NOP14: variants seen among roughly 807,000 people sequenced by gnomAD.
NOP14 encodes the protein nucleolar protein 14.
In NOP14, 57 loss-of-function variants were observed where a neutral mutation model predicts 101.6. That is an observed-to-expected ratio of 0.56 (90% confidence interval 0.45 to 0.70). The LOEUF is 0.70. NOP14 is among the 30% of genes least tolerant of loss of function. The pLI is 0.00. For synonymous variants in NOP14, 428 were observed against 424.0 expected (o/e 1.01, Z -0.12); for missense variants, 1,134 against 1,075.5 (o/e 1.05, Z -0.76).
At chr4:2,950,933 A>C (rs1364527788) in intron 7 of NOP14, 181 bp downstream of exon 7, 1 of 569,130 alleles carries the variant, frequency 1.8e-6, no homozygotes, top group African/African-American at 1.9e-5. Context: ...CTATTGTTAA[A>C]GTCTTCTCTC....
Position 2,941,465 on chromosome 4 carries a change from CA to C in NOP14, c.2199+116del. 10 of 924,988 alleles carry C rather than the reference CA, an allele frequency of 1.1e-5. No homozygotes were observed. The South Asian group carries it at 1.5e-4, about 14-fold the overall frequency. The allele number at this position is 924,988 out of a possible 1,614,324, so 57.3% of individuals were successfully genotyped here. On this transcript the variant is annotated intron_variant, in intron 15 of 17. Coordinates refer to ENST00000416614, the MANE Select transcript of NOP14 (RefSeq NM_001291978.2). The stretch of plus-strand genomic sequence containing the variant: ...ACTTCCCTTCATATTTGTGATTTTG[CA>C]AAGATGGTGTTGACTTACAGCTGCA...
At chr4:2,957,189 A>G (rs1183803939) in intron 2 of NOP14, among the ~76,000 whole-genome samples, 2 of 152,044 alleles carry the variant, frequency 1.3e-5, no homozygotes, top group Non-Finnish European at 2.9e-5. Context: ...TTTAGTAGAG[A>G]CGGGGTTTCA....
intron 3 of NOP14, among the ~76,000 whole-genome samples, chr4:2,956,369 T>C (rs1715342818): frequency 6.6e-6 from 1 of 152,170 alleles, no homozygotes; most frequent in African/African-American, 2.4e-5. Context: ...AAACACCTTA[T>C]TTCTCTGAGC....
In NOP14 at chr4:2,951,159, A is replaced by G; in HGVS notation, c.957T>C (p.Asp319=). Residue 319 remains aspartate, a synonymous_variant, in exon 7 of 18, where the codon GAT becomes GAC. Coordinates refer to ENST00000416614, the MANE Select transcript of NOP14 (RefSeq NM_001291978.2). ...PKHMSADDLN[D]GFVLDKDDRR... Reference sequence around the variant, plus strand: ...TGTCATCTTTATCTAGCACGAAGCCATCATTCAGATCATCTGCTGACATAT... The same window carrying G: ...TGTCATCTTTATCTAGCACGAAGCCGTCATTCAGATCATCTGCTGACATAT... 6.2e-7 allele frequency: 1 copy of G among 1,614,012 alleles called. No homozygotes were observed. Among genetic ancestry groups the G allele is most frequent in the Non-Finnish European group, 8.5e-7 (1 of 1,179,834 alleles).
Position 2,950,665 on chromosome 4 carries a change from C to T in NOP14, c.1002+449G>A, listed in dbSNP as rs532815779. The T allele has an allele frequency of 7.2e-5, 14 of 194,042 alleles. No homozygotes were observed. The East Asian group carries it at 9.0e-4, about 13-fold the overall frequency. 12.0% of individuals were successfully genotyped at this position (194,042 alleles called of 1,614,324 possible). A position where few individuals can be genotyped will look rare whatever the true frequency, so the allele number is the denominator to read the frequency against. The stretch of plus-strand genomic sequence containing the variant: ...GACCCTGACTGATACACTCTTAAAA[C>T]GAGAAAAGGGTACCGATTTATAAAG... On this transcript the variant is annotated intron_variant, in intron 7 of 17. Transcript: ENST00000416614.
rs144585490 is a variant in NOP14, at chr4:2,939,622, G to A, written c.2223C>T (p.Thr741=). The change falls in exon 16 of 18, where the codon ACC becomes ACT. Residue 741 remains threonine, a synonymous_variant. Coordinates refer to ENST00000416614, the MANE Select transcript of NOP14 (RefSeq NM_001291978.2). ...AGAGCTGCTTCTGGCTTTCCATTTCGGTCAGTGTGCTCTGACACAGCTCCT... is the reference window on the plus strand; with the variant it reads ...AGAGCTGCTTCTGGCTTTCCATTTCAGTCAGTGTGCTCTGACACAGCTCCT... ...ELQELCQSTL[T]EMESQKQLCR... is the part of the protein sequence containing the mutation. 540 of 1,613,712 alleles carry A rather than the reference G, an allele frequency of 3.3e-4. No individual in the cohort carries two copies. Among genetic ancestry groups the A allele is most frequent in the African/African-American group, 6.3e-4 (47 of 75,032 alleles).
At chr4:2,944,661 C>A (rs960395993) in intron 12 of NOP14, among the ~76,000 whole-genome samples, 1 of 152,226 alleles carries the variant, frequency 6.6e-6, no homozygotes, top group Non-Finnish European at 1.5e-5. Flanking sequence ...CCCGCCTCAG[C>A]CTCCGAAAGT....
intron 16 of NOP14, 72 bp downstream of exon 16, chr4:2,939,455 G>T: frequency 6.3e-7 from 1 of 1,594,230 alleles, no homozygotes; most frequent in Non-Finnish European, 8.6e-7. Flanking sequence ...CTGCAGAACT[G>T]GCAGACGCCC....
At chr4:2,955,172 C>T (rs1438612407) in intron 3 of NOP14, among the ~76,000 whole-genome samples, 1 of 105,922 alleles carries the variant, frequency 9.4e-6, no homozygotes, top group Non-Finnish European at 1.9e-5. Context: ...TAGTCACCTG[C>T]ACGCCACGGC....
intron 13 of NOP14, among the ~76,000 whole-genome samples, chr4:2,943,101 G>T (rs888595267): frequency 2.0e-5 from 3 of 152,236 alleles, no homozygotes; most frequent in Non-Finnish European, 4.4e-5. Flanking sequence ...TCTCCCGGAG[G>T]CAGGGAGCAT....
intron 3 of NOP14, among the ~76,000 whole-genome samples, chr4:2,955,456 C>T (rs570167982): frequency 8.4e-4 from 112 of 133,758 alleles, no homozygotes; most frequent in African/African-American, 3.0e-3. Flanking sequence ...TGCACCACAG[C>T]GCCCCCTCTA....
chr4:2,955,673 A>T (rs1335172604), intron 3 of NOP14, among the ~76,000 whole-genome samples: 2 of 152,260 alleles, frequency 1.3e-5, no homozygotes, highest in African/African-American at 4.8e-5. Context: ...GGGAATTAGG[A>T]TCTCCCCAGG....
In NOP14 at chr4:2,938,584, C is replaced by G. The variant is rs756867308; in HGVS notation, c.*247G>C. The G allele has an allele frequency of 5.5e-5, 28 of 513,504 alleles. No homozygotes were observed. Among genetic ancestry groups the G allele is most frequent in the Non-Finnish European group, 9.0e-5 (26 of 288,074 alleles). 31.8% of individuals were successfully genotyped at this position (513,504 alleles called of 1,614,324 possible). A position where few individuals can be genotyped will look rare whatever the true frequency, so the allele number is the denominator to read the frequency against. On this transcript the variant is annotated 3_prime_UTR_variant, in exon 18 of 18. Transcript: ENST00000416614. ...AGTGCAGTGGCTCAATCACGGCTCACTGTAACCTTGGACTCAGCTCAAGCA... is the reference window on the plus strand; with the variant it reads ...AGTGCAGTGGCTCAATCACGGCTCAGTGTAACCTTGGACTCAGCTCAAGCA...
intron 1 of NOP14, among the ~76,000 whole-genome samples, chr4:2,960,311 A>G (rs1450814932): frequency 6.6e-6 from 1 of 151,684 alleles, no homozygotes; most frequent in African/African-American, 2.4e-5. Context: ...CTGCAGAGGG[A>G]GGGAGTGTCA....
chr4:2,963,369 C>A lies in NOP14; in HGVS notation c.-50G>T, dbSNP rs773769738. 1 of 1,493,172 alleles carries A rather than the reference C, an allele frequency of 6.7e-7. No individual in the cohort carries two copies. Among genetic ancestry groups the A allele is most frequent in the Non-Finnish European group, 8.9e-7 (1 of 1,129,392 alleles). The allele number at this position is 1,493,172 out of a possible 1,614,324, so 92.5% of individuals were successfully genotyped here. A position where few individuals can be genotyped will look rare whatever the true frequency, so the allele number is the denominator to read the frequency against. On this transcript the variant is annotated 5_prime_UTR_variant, in exon 1 of 18. Transcript: ENST00000416614. ...GGCCCGAGACCCGAAGAGAGACAGG[C>A]GCGCGCTACCCTAAGACACGTGCCG...
chr4:2,940,865 C>T (rs1015889229), intron 15 of NOP14: 9 of 153,112 alleles, frequency 5.9e-5, no homozygotes, highest in East Asian at 5.8e-4. Context: ...GAGGCCGGAG[C>T]GCATGAGGGG....
At chr4:2,962,080 G>A (rs1215958138) in intron 1 of NOP14, among the ~76,000 whole-genome samples, 1 of 152,238 alleles carries the variant, frequency 6.6e-6, no homozygotes, top group East Asian at 1.9e-4. Flanking sequence ...GGACTCGAAC[G>A]ACAAGCCAAG....
intron 9 of NOP14, among the ~76,000 whole-genome samples, chr4:2,947,830 C>G (rs896800686): frequency 6.6e-6 from 1 of 152,154 alleles, no homozygotes; most frequent in Non-Finnish European, 1.5e-5. Context: ...AAGGGCAAGG[C>G]GCATCCTTCT....
intron 4 of NOP14, 60 bp from the exon 5 acceptor site, chr4:2,953,705 G>A (rs1178230418): frequency 3.1e-6 from 5 of 1,593,750 alleles, no homozygotes; most frequent in African/African-American, 2.7e-5. Context: ...CAACCCAGAG[G>A]CCCAATGTCA....
Sources: allele counts gnomAD v4.1 joint callset (sites outside exome capture counted in the v4.1 genomes callset), GRCh38; gene constraint gnomAD v4.1.1; transcripts MANE v1.5; gene names NCBI Gene and HGNC (gene_info 2026-07-23, HGNC 2026-07-21).